The following ARIH1 variants were observed in gnomAD, a reference collection of about 807,000 sequenced individuals.
The protein encoded by ARIH1 is ariadne RBR E3 ubiquitin protein ligase 1.
ARIH1 carries 8 observed loss-of-function variants against 85.0 expected under a neutral mutation model. The ratio of observed to expected loss-of-function variants is 0.09; its 90% CI spans 0.06 to 0.17. The LOEUF is 0.17. Ranked by LOEUF, ARIH1 falls within the 10% of genes least tolerant of loss-of-function variation. The pLI is 1.00. For missense variants in ARIH1, 311 were observed against 718.1 expected (o/e 0.43, Z 6.48); for synonymous variants, 238 against 253.6 (o/e 0.94, Z 0.59).
At chr15:72,482,902 A>G (rs1358967306) in intron 1 of ARIH1, among the ~76,000 whole-genome samples, 1 of 148,436 alleles carries the variant, frequency 6.7e-6, no homozygotes, top group African/African-American at 2.5e-5. Context: ...GTGCAATGGC[A>G]TAATCTCGGC....
At chr15:72,577,272 A>G (rs1306720296) in intron 11 of ARIH1, among the ~76,000 whole-genome samples, 1 of 152,062 alleles carries the variant, frequency 6.6e-6, no homozygotes, top group Non-Finnish European at 1.5e-5. Flanking sequence ...GGCGTGAGCC[A>G]CTCACTGTGC....
chr15:72,522,686 G>C (rs1476509278), intron 2 of ARIH1, among the ~76,000 whole-genome samples: 2 of 151,760 alleles, frequency 1.3e-5, no homozygotes, highest in Non-Finnish European at 2.9e-5. Context: ...AAAAGATAAA[G>C]ATCTTTGACA....
At chr15:72,520,804 C>T (rs2063996170) in intron 2 of ARIH1, among the ~76,000 whole-genome samples, 1 of 152,014 alleles carries the variant, frequency 6.6e-6, no homozygotes, top group Non-Finnish European at 1.5e-5. Flanking sequence ...TTTGTCCTTT[C>T]CTTGTCCCTA....
intron 1 of ARIH1, among the ~76,000 whole-genome samples, chr15:72,482,693 C>T (rs1337383647): frequency 6.6e-6 from 1 of 152,100 alleles, no homozygotes; most frequent in Non-Finnish European, 1.5e-5. Flanking sequence ...TACCCCAAAA[C>T]TTAGTGGCTT....
Position 72,566,505 on chromosome 15 carries a change from T to C in ARIH1, c.912-58T>C. 2.9e-6 allele frequency: 4 copies of C among 1,380,482 alleles called. No individual in the cohort carries two copies. The South Asian group carries it at 3.5e-5, about 12-fold the overall frequency. The allele number at this position is 1,380,482 out of a possible 1,614,324, so 85.5% of individuals were successfully genotyped here. A position where few individuals can be genotyped will look rare whatever the true frequency, so the allele number is the denominator to read the frequency against. On this transcript the variant is annotated intron_variant, in intron 7 of 13. Coordinates refer to ENST00000379887, the MANE Select transcript of ARIH1 (RefSeq NM_005744.5). ...TATAAGGCATGAAATGATTGGCTTA[T>C]TTACTTGCTTACAGTAGGTAGGCCT...
At chr15:72,562,176 C>G (rs1389439220) in intron 6 of ARIH1, among the ~76,000 whole-genome samples, 1 of 152,088 alleles carries the variant, frequency 6.6e-6, no homozygotes, top group African/African-American at 2.4e-5. Context: ...TTTCTCTGCT[C>G]GTTTTAGGTT....
intron 11 of ARIH1, among the ~76,000 whole-genome samples, chr15:72,573,689 T>C (rs1208461380): frequency 2.6e-5 from 4 of 151,690 alleles, no homozygotes; most frequent in Admixed American, 1.3e-4. Context: ...ATTTAAATTA[T>C]ATTTATTATA....
At chr15:72,547,571 TTTCA>T (rs1262989891) in intron 3 of ARIH1, among the ~76,000 whole-genome samples, 1 of 152,238 alleles carries the variant, frequency 6.6e-6, no homozygotes, top group Non-Finnish European at 1.5e-5. Context: ...TAAGATACTC[TTTCA>T]ATTTTCTTCC....
In ARIH1 at chr15:72,513,569, T is replaced by G. The variant is rs1362051590; in HGVS notation, c.376-4498T>G. On this transcript the variant is annotated intron_variant, in intron 1 of 13. Coordinates refer to ENST00000379887, the MANE Select transcript of ARIH1 (RefSeq NM_005744.5). ...TATTTACCCAGGTATTTACCATTTC[T>G]GTCGCTTTTCCTTCTTTCCTGTAGT... Among the ~76,000 whole-genome samples, 5 of 152,142 alleles carry G rather than the reference T, an allele frequency of 3.3e-5. 1 individual carries two copies. In the South Asian group the frequency reaches 8.3e-4, roughly 25 times the overall value.
rs1018030832 is a variant in ARIH1 at position 72,585,418 on chromosome 15, T to A, written c.*2126T>A. 3.9e-5 allele frequency: 6 copies of A among 152,160 alleles called. No individual in the cohort carries two copies. Among genetic ancestry groups the A allele is most frequent in the African/African-American group, 1.4e-4 (6 of 41,446 alleles). The allele number at this position is 152,160 out of a possible 1,614,324, so 9.4% of individuals were successfully genotyped here. A position where few individuals can be genotyped will look rare whatever the true frequency, so the allele number is the denominator to read the frequency against. ...ATACATTAAAACTAAGGAGTTTTTT[T>A]AAAGAAAGCCTGAATAAGTTCCTTT... On this transcript the variant is annotated 3_prime_UTR_variant, in exon 14 of 14. Transcript: ENST00000379887.
At chr15:72,565,232 ATTTATTTATTTG>A (rs2064214155) in intron 7 of ARIH1, among the ~76,000 whole-genome samples, 1 of 151,558 alleles carries the variant, frequency 6.6e-6, no homozygotes, top group Non-Finnish European at 1.5e-5. Context: ...ATTTTTATTT[ATTTATTTATTTG>A]TTTATTTATT....
intron 3 of ARIH1, among the ~76,000 whole-genome samples, chr15:72,553,961 T>G (rs2064163865): frequency 6.6e-6 from 1 of 152,160 alleles, no homozygotes; most frequent in African/African-American, 2.4e-5. Flanking sequence ...CTGGCTTATT[T>G]TCATTCTTTT....
Position 72,566,705 on chromosome 15 carries a change from GA to G in ARIH1, c.954+101del, listed in dbSNP as rs531717707. Reference sequence around the variant, plus strand: ...TGATTTTGTTATCTATCTATTGATAGATTTTTTTTTATCCTTTTAATTTCAG... The same window carrying G: ...TGATTTTGTTATCTATCTATTGATAGTTTTTTTTTATCCTTTTAATTTCAG... On this transcript the variant is annotated intron_variant, in intron 8 of 13. Transcript: ENST00000379887. 310 of 862,022 alleles carry G rather than the reference GA, an allele frequency of 3.6e-4. No individual in the cohort carries two copies. In the African/African-American group the frequency reaches 4.6e-3, roughly 13 times the overall value. 53.4% of individuals were successfully genotyped at this position (862,022 alleles called of 1,614,324 possible).
intron 3 of ARIH1, among the ~76,000 whole-genome samples, chr15:72,551,152 C>T (rs1230410501): frequency 6.6e-6 from 1 of 151,692 alleles, no homozygotes; most frequent in African/African-American, 2.4e-5. Context: ...TTTAAAATAC[C>T]CTTTATAAGA....
intron 3 of ARIH1, among the ~76,000 whole-genome samples, chr15:72,554,506 T>A (rs916987640): frequency 3.3e-5 from 5 of 151,788 alleles, no homozygotes; most frequent in Non-Finnish European, 5.9e-5. Flanking sequence ...CCACCTCAGC[T>A]CCCCTGAGTA....
chr15:72,487,579 T>C (rs1484112185), intron 1 of ARIH1, among the ~76,000 whole-genome samples: 1 of 152,264 alleles, frequency 6.6e-6, no homozygotes, highest in Non-Finnish European at 1.5e-5. Flanking sequence ...CCCCCTTTTA[T>C]TGGCTTATCT....
At chr15:72,553,153 A>C (rs939498337) in intron 3 of ARIH1, among the ~76,000 whole-genome samples, 3 of 151,510 alleles carry the variant, frequency 2.0e-5, no homozygotes, top group East Asian at 1.9e-4. Context: ...TATTTAACTT[A>C]CTCAATTAAA....
intron 1 of ARIH1, among the ~76,000 whole-genome samples, chr15:72,508,348 A>G (rs1392568408): frequency 1.3e-5 from 2 of 152,238 alleles, no homozygotes; most frequent in Non-Finnish European, 2.9e-5. Flanking sequence ...TATTTCAGCC[A>G]AGAGCTTGAA....
chr15:72,565,320 C>T (rs1329487854), intron 7 of ARIH1, among the ~76,000 whole-genome samples: 3 of 152,096 alleles, frequency 2.0e-5, no homozygotes, highest in Non-Finnish European at 4.4e-5. Flanking sequence ...GAACTCCTGG[C>T]CTCAAGTAAT....
Sources: gnomAD v4.1 joint callset for allele counts (sites outside exome capture counted in the v4.1 genomes callset) on GRCh38, gnomAD v4.1.1 for gene constraint, MANE v1.5 for transcripts, NCBI Gene and HGNC (gene_info 2026-07-23, HGNC 2026-07-21) for gene names.